CDH8: variants seen among roughly 807,000 people sequenced by gnomAD.
CDH8 encodes the protein cadherin-8.
In CDH8, 17 loss-of-function variants were observed where a neutral mutation model predicts 68.1. The ratio of observed to expected loss-of-function variants is 0.25; its 90% CI spans 0.17 to 0.37. The LOEUF is 0.37. Ranked by LOEUF, CDH8 falls within the 10% of genes least tolerant of loss-of-function variation. The pLI, the probability that CDH8 is intolerant of heterozygous loss-of-function variation, is 1.00. For missense variants in CDH8, 763 were observed against 999.3 expected (o/e 0.76, Z 3.19); for synonymous variants, 372 against 365.1 (o/e 1.02, Z -0.21).
At chr16:61,667,170 T>G (rs1183619171) in intron 10 of CDH8, 3 of 152,020 alleles carry the variant, frequency 2.0e-5, no homozygotes, top group Non-Finnish European at 4.4e-5. Context: ...ATTTTCTCAT[T>G]AGATTTTCTG....
intron 4 of CDH8, among the ~76,000 whole-genome samples, chr16:61,834,271 G>T (rs1259888995): frequency 6.6e-6 from 1 of 151,798 alleles, no homozygotes; most frequent in Non-Finnish European, 1.5e-5. Flanking sequence ...GTGTGTGTCT[G>T]GTGGGAGGGT....
chr16:61,921,868 A>G (rs1964373998), intron 2 of CDH8, among the ~76,000 whole-genome samples: 1 of 152,076 alleles, frequency 6.6e-6, no homozygotes, highest in Non-Finnish European at 1.5e-5. Flanking sequence ...CATCTCTACT[A>G]AAAAATACAA....
intron 2 of CDH8, among the ~76,000 whole-genome samples, chr16:61,950,473 G>A (rs1193896846): frequency 1.3e-5 from 2 of 152,170 alleles, no homozygotes; most frequent in Admixed American, 1.3e-4. Flanking sequence ...TAGCAGAAGG[G>A]ATGCGACTGG....
At chr16:61,876,458 C>A (rs1166603760) in intron 3 of CDH8, among the ~76,000 whole-genome samples, 2 of 151,988 alleles carry the variant, frequency 1.3e-5, no homozygotes, top group African/African-American at 2.4e-5. Context: ...TTATAAAAGG[C>A]ACTCATACTT....
chr16:61,750,716 G>A (rs553336199), intron 8 of CDH8, among the ~76,000 whole-genome samples: 14 of 152,130 alleles, frequency 9.2e-5, no homozygotes, highest in African/African-American at 3.1e-4. Flanking sequence ...AAATAAAAAT[G>A]CCACCAATGA....
At chr16:61,861,683 A>C (rs1963152693) in intron 3 of CDH8, among the ~76,000 whole-genome samples, 1 of 152,238 alleles carries the variant, frequency 6.6e-6, no homozygotes, top group East Asian at 1.9e-4. Context: ...CTTCAACCAG[A>C]ACATTTCTTT....
At chr16:61,782,426 T>G (rs1176572772) in intron 8 of CDH8, among the ~76,000 whole-genome samples, 5 of 148,140 alleles carry the variant, frequency 3.4e-5, no homozygotes, top group South Asian at 4.2e-4. Flanking sequence ...CACACCTGGC[T>G]CGGAGGGTCC....
rs1385952323 is a variant in CDH8, at chr16:61,959,984, G to GTGTATATATATATA, written c.253-58512_253-58511insTATATATATATACA. Among the ~76,000 whole-genome samples the GTGTATATATATATA allele has an allele frequency of 4.7e-3, 207 of 44,512 alleles. 18 individuals carry two copies. Among genetic ancestry groups the GTGTATATATATATA allele is most frequent in the East Asian group, 0.022 (19 of 876 alleles). The allele number at this position is 44,512 out of a possible 152,430, so 29.2% of individuals were successfully genotyped here. On this transcript the variant is annotated intron_variant, in intron 2 of 11. Transcript: ENST00000577390. The stretch of plus-strand genomic sequence containing the variant: ...GTATGTGGTGTATGTGTGTGTGTGT[G>GTGTATATATATATA]TATATATATATATATATATATATAT...
In CDH8 at chr16:61,651,077, G is replaced by C. The variant is rs1028125954; in HGVS notation, c.*2531C>G. The C allele has an allele frequency of 6.6e-6, 1 of 152,080 alleles. No homozygotes were observed. The highest frequency in any genetic ancestry group is 2.4e-5 in the African/African-American group (1 of 41,400). The allele number at this position is 152,080 out of a possible 1,614,324, so 9.4% of individuals were successfully genotyped here. A position where few individuals can be genotyped will look rare whatever the true frequency, so the allele number is the denominator to read the frequency against. ...GATTTTATACTCCTTAAAAAATACT[G>C]TAATTATTCTGTTAGACATATTTGT... On this transcript the variant is annotated 3_prime_UTR_variant, in exon 12 of 12. Coordinates refer to ENST00000577390, the MANE Select transcript of CDH8 (RefSeq NM_001796.5).
At chr16:61,919,916 T>C (rs932453045) in intron 2 of CDH8, among the ~76,000 whole-genome samples, 3 of 152,116 alleles carry the variant, frequency 2.0e-5, no homozygotes, top group Admixed American at 6.5e-5. Context: ...TATAGATCAA[T>C]GAAACAGAAC....
chr16:61,933,630 A>C (rs1964580678), intron 2 of CDH8, among the ~76,000 whole-genome samples: 1 of 152,200 alleles, frequency 6.6e-6, no homozygotes, highest in Non-Finnish European at 1.5e-5. Flanking sequence ...AGACAGTGAG[A>C]TTGAAGACAT....
At chr16:61,876,406 A>G (rs1963461361) in intron 3 of CDH8, among the ~76,000 whole-genome samples, 1 of 152,250 alleles carries the variant, frequency 6.6e-6, no homozygotes, top group African/African-American at 2.4e-5. Context: ...ATTAGATTAA[A>G]AGATTTCTGG....
chr16:61,648,467 C>T lies in CDH8; in HGVS notation c.*5141G>A, dbSNP rs558988980. 2 of 152,086 alleles carry T rather than the reference C, an allele frequency of 1.3e-5. No individual in the cohort carries two copies. The highest frequency in any genetic ancestry group is 4.8e-5 in the African/African-American group (2 of 41,510). 9.4% of individuals were successfully genotyped at this position (152,086 alleles called of 1,614,324 possible). On this transcript the variant is annotated 3_prime_UTR_variant, in exon 12 of 12. Coordinates refer to ENST00000577390, the MANE Select transcript of CDH8 (RefSeq NM_001796.5). ...TCCCTTACTTCCTCCTCAGTACTTC[C>T]ATAGCACTATATATAACTTAGTTTC... is the stretch of plus-strand genomic sequence containing the variant.
At chr16:61,729,176 G>A (rs1490960100) in intron 8 of CDH8, among the ~76,000 whole-genome samples, 2 of 150,988 alleles carry the variant, frequency 1.3e-5, no homozygotes, top group Non-Finnish European at 3.0e-5. Context: ...ATTGTACCAA[G>A]ATTACTAAGT....
At chr16:61,982,802 C>A (rs1411414003) in intron 2 of CDH8, among the ~76,000 whole-genome samples, 1 of 152,096 alleles carries the variant, frequency 6.6e-6, no homozygotes, top group Non-Finnish European at 1.5e-5. Context: ...ATTTCAGACA[C>A]AGGAACAGAG....
chr16:61,853,409 G>A (rs909009378), intron 4 of CDH8, among the ~76,000 whole-genome samples: 3 of 152,072 alleles, frequency 2.0e-5, no homozygotes, highest in Non-Finnish European at 4.4e-5. Context: ...AGCTGACAGT[G>A]GTCAATGGAC....
At chr16:62,016,794 A>G (rs886134361) in intron 2 of CDH8, among the ~76,000 whole-genome samples, 2 of 152,216 alleles carry the variant, frequency 1.3e-5, no homozygotes, top group African/African-American at 4.8e-5. Flanking sequence ...AGTTTGTACC[A>G]TAAGCCCAAA....
intron 1 of CDH8, chr16:62,035,231 G>A (rs1387078458): frequency 6.6e-6 from 1 of 152,304 alleles, no homozygotes. Context: ...TCCTGCGAGG[G>A]GCGCGACCAG....
chr16:61,716,862 A>G (rs138770665), intron 9 of CDH8, among the ~76,000 whole-genome samples: 1 of 151,856 alleles, frequency 6.6e-6, no homozygotes, highest in East Asian at 1.9e-4. Context: ...ATGCATTAAG[A>G]TATCCATACT....
Sources: allele counts gnomAD v4.1 joint callset (sites outside exome capture counted in the v4.1 genomes callset), GRCh38; gene constraint gnomAD v4.1.1; transcripts MANE v1.5; gene names NCBI Gene and HGNC (gene_info 2026-07-23, HGNC 2026-07-21).